Variants in ASTN2 observed in about 807,000 individuals in gnomAD.
ASTN2 encodes the protein astrotactin-2.
ASTN2 carries 54 observed loss-of-function variants against 139.8 expected under a neutral mutation model. The observed-to-expected ratio is 0.39, with a 90% confidence interval of 0.31 to 0.48. The LOEUF (loss-of-function observed/expected upper bound fraction) is 0.48. ASTN2 is among the 20% of genes least tolerant of loss of function. ASTN2 has a pLI of 0.95. For synonymous variants in ASTN2, 756 were observed against 719.5 expected (o/e 1.05, Z -0.81); for missense variants, 1,565 against 1,725.1 (o/e 0.91, Z 1.64).
chr9:116,493,050 G>A (rs1183626753), intron 19 of ASTN2, among the ~76,000 whole-genome samples: 2 of 152,040 alleles, frequency 1.3e-5, no homozygotes, highest in South Asian at 2.1e-4. Context: ...AAGTTTTATT[G>A]CTTAAAGTGT....
chr9:116,739,872 A>T (rs1007182378), intron 13 of ASTN2, among the ~76,000 whole-genome samples: 6 of 152,266 alleles, frequency 3.9e-5, no homozygotes, highest in South Asian at 2.1e-4. Flanking sequence ...TAATGTGTGC[A>T]TGACCACATC....
chr9:116,467,098 G>A (rs1295366004), intron 20 of ASTN2, among the ~76,000 whole-genome samples: 1 of 152,088 alleles, frequency 6.6e-6, no homozygotes, highest in Non-Finnish European at 1.5e-5. Context: ...TGATAGGGGT[G>A]CTGGAAAAGG....
chr9:116,811,438 T>C (rs12338833), intron 12 of ASTN2, among the ~76,000 whole-genome samples: 37,074 of 152,142 alleles, frequency 0.24, 4,869 homozygotes, highest in East Asian at 0.49. Flanking sequence ...AAATAGATAA[T>C]TTGTTTGTTC....
chr9:117,115,367 G>T (rs184844030), intron 4 of ASTN2, among the ~76,000 whole-genome samples: 1 of 151,918 alleles, frequency 6.6e-6, no homozygotes, highest in Admixed American at 6.6e-5. Flanking sequence ...AAGTACAAAA[G>T]TTAGCCAAGC....
chr9:116,633,223 A>G (rs893854866), intron 17 of ASTN2, among the ~76,000 whole-genome samples: 3 of 152,252 alleles, frequency 2.0e-5, no homozygotes, highest in Admixed American at 1.3e-4. Context: ...TAGCCATATC[A>G]GTAGCCTCAT....
intron 13 of ASTN2, among the ~76,000 whole-genome samples, chr9:116,783,695 G>A (rs888957981): frequency 6.6e-6 from 1 of 152,122 alleles, no homozygotes; most frequent in Non-Finnish European, 1.5e-5. Flanking sequence ...CAAAGCTGTG[G>A]TCTCATCTCT....
In ASTN2 at chr9:116,679,327, C is replaced by T. The variant is rs183505155; in HGVS notation, c.2807-27534G>A. On this transcript the variant is annotated intron_variant, in intron 16 of 22. Transcript: ENST00000313400. ...TTTTAGATATTAAATCCTGTAAAGTCCAAAAATGACATTTGGCTTATTTCA... is the reference window on the plus strand; with the variant it reads ...TTTTAGATATTAAATCCTGTAAAGTTCAAAAATGACATTTGGCTTATTTCA... Among the ~76,000 whole-genome samples, 11 of 152,090 alleles carry T rather than the reference C, an allele frequency of 7.2e-5. No individual in the cohort carries two copies. In the East Asian group the frequency reaches 1.9e-3, roughly 27 times the overall value.
intron 5 of ASTN2, among the ~76,000 whole-genome samples, chr9:117,093,602 G>T (rs942530703): frequency 1.1e-4 from 17 of 152,014 alleles, no homozygotes; most frequent in South Asian, 4.1e-4. Context: ...AATGCTGAAG[G>T]CACCCTAACT....
chr9:116,466,241 A>T (rs1027146123), intron 20 of ASTN2, among the ~76,000 whole-genome samples: 1 of 152,100 alleles, frequency 6.6e-6, no homozygotes, highest in Non-Finnish European at 1.5e-5. Flanking sequence ...GACTTTGAAG[A>T]CAAAACTGTT....
intron 19 of ASTN2, among the ~76,000 whole-genome samples, chr9:116,489,624 AG>A (rs1849449771): frequency 1.3e-5 from 2 of 152,212 alleles, no homozygotes; most frequent in Admixed American, 6.5e-5. Flanking sequence ...CTGGCCCAAA[AG>A]TTTCATTCTT....
Position 116,657,759 on chromosome 9 carries a change from C to G in ASTN2, c.2807-5966G>C, listed in dbSNP as rs951916381. On this transcript the variant is annotated intron_variant, in intron 16 of 22. Coordinates refer to ENST00000313400, the MANE Select transcript of ASTN2 (RefSeq NM_001365068.1). ...GGGAGGCTGAGGCACGAGAATCACT[C>G]GAACCTGGGAGGTGGAGGTTGCAGT... Among the ~76,000 whole-genome samples the G allele has an allele frequency of 3.9e-5, 6 of 152,112 alleles. No individual in the cohort carries two copies. The East Asian group carries it at 1.2e-3, about 29-fold the overall frequency.
intron 15 of ASTN2, among the ~76,000 whole-genome samples, chr9:116,726,284 G>A (rs1324876736): frequency 6.6e-6 from 1 of 152,134 alleles, no homozygotes; most frequent in Non-Finnish European, 1.5e-5. Context: ...AATGTGTACT[G>A]GGAAAACTGT....
chr9:116,995,096 A>C (rs970854192), intron 7 of ASTN2, among the ~76,000 whole-genome samples: 3 of 152,150 alleles, frequency 2.0e-5, no homozygotes, highest in African/African-American at 7.2e-5. Flanking sequence ...TCCAGAGTGC[A>C]AGCTCTTGAC....
chr9:116,596,926 G>A (rs536528458), intron 19 of ASTN2, among the ~76,000 whole-genome samples: 1 of 152,258 alleles, frequency 6.6e-6, no homozygotes, highest in South Asian at 2.1e-4. Flanking sequence ...GAAGTAACAA[G>A]CTTGGTGTGT....
intron 19 of ASTN2, among the ~76,000 whole-genome samples, chr9:116,549,423 A>T (rs1852244625): frequency 6.6e-6 from 1 of 152,184 alleles, no homozygotes; most frequent in Non-Finnish European, 1.5e-5. Context: ...TTGGCTGTAC[A>T]GTTCGTATTT....
chr9:116,924,848 C>T (rs2132441764), intron 10 of ASTN2, among the ~76,000 whole-genome samples: 1 of 152,282 alleles, frequency 6.6e-6, no homozygotes, highest in South Asian at 2.1e-4. Flanking sequence ...CCTCCTATCT[C>T]ATCCTGTGAC....
chr9:116,578,365 G>A (rs552377459), intron 19 of ASTN2, among the ~76,000 whole-genome samples: 3 of 152,098 alleles, frequency 2.0e-5, no homozygotes, highest in East Asian at 1.9e-4. Context: ...AACTACTCAC[G>A]TCCTTTTTTC....
Position 117,414,739 on chromosome 9 carries a change from G to T in ASTN2, c.200C>A (p.Thr67Asn). ...GGCGGGCAGTGTGGACACCGTGACG[G>T]TCTTCAGCCGGCACGGGCTGTCGGG... ...REPDSPCRLK[T>N]VTVSTLPALR... Residue 67 changes from threonine (T) to asparagine (N), a missense_variant, in exon 1 of 23, where the codon ACC becomes AAC. Around this residue, in one of 4 missense-constraint regions of ASTN2, gnomAD observed 596 missense variants for 576.8 expected, o/e 1.03. Coordinates refer to ENST00000313400, the MANE Select transcript of ASTN2 (RefSeq NM_001365068.1). The surrounding 1 kb of genome is among the most constrained non-coding windows in gnomAD (Gnocchi z 4.2). 7.8e-7 allele frequency: 1 copy of T among 1,274,580 alleles called. No individual in the cohort carries two copies. Among genetic ancestry groups the T allele is most frequent in the Non-Finnish European group, 9.9e-7 (1 of 1,009,510 alleles). The allele number at this position is 1,274,580 out of a possible 1,614,324, so 79.0% of individuals were successfully genotyped here. A position where few individuals can be genotyped will look rare whatever the true frequency, so the allele number is the denominator to read the frequency against.
chr9:116,555,806 T>C (rs1045931464), intron 19 of ASTN2, among the ~76,000 whole-genome samples: 7 of 152,120 alleles, frequency 4.6e-5, no homozygotes, highest in Non-Finnish European at 7.4e-5. Context: ...CTGCTGGCTG[T>C]GGACTGAGGA....
Sources: allele counts gnomAD v4.1 joint callset (sites outside exome capture counted in the v4.1 genomes callset), GRCh38; gene constraint gnomAD v4.1.1; regional missense constraint gnomAD v4.1.1; non-coding constraint Gnocchi (gnomAD v3.1); transcripts MANE v1.5; gene names NCBI Gene and HGNC (gene_info 2026-07-23, HGNC 2026-07-21).